The following ADAMTSL1 variants were observed in gnomAD, a reference collection of about 807,000 sequenced individuals.
ADAMTSL1 encodes the protein ADAMTS-like protein 1.
ADAMTSL1 carries 126 observed loss-of-function variants against 201.8 expected under a neutral mutation model. The observed-to-expected ratio is 0.62, with a 90% confidence interval of 0.54 to 0.72. The LOEUF (loss-of-function observed/expected upper bound fraction) is 0.72. ADAMTSL1 is among the 30% of genes least tolerant of loss of function. The pLI is 0.00. For synonymous variants in ADAMTSL1, 1,121 were observed against 903.4 expected, an observed-to-expected ratio of 1.24 and a Z score of -4.32; for missense variants, 2,679 against 2,277.8, an observed-to-expected ratio of 1.18 and a Z score of -3.59.
At chr9:18,211,587 C>G (rs895103927) in intron 2 of ADAMTSL1, among the ~76,000 whole-genome samples, 3 of 152,328 alleles carry the variant, frequency 2.0e-5, no homozygotes, top group East Asian at 1.9e-4. Context: ...CATGTCCCCA[C>G]TCAGCCAAAT....
At chr9:17,920,979 C>A (rs1657054897) in intron 1 of ADAMTSL1, among the ~76,000 whole-genome samples, 1 of 152,184 alleles carries the variant, frequency 6.6e-6, no homozygotes, top group Non-Finnish European at 1.5e-5. Context: ...ATTCACCATG[C>A]TAGGTTCTTT....
intron 2 of ADAMTSL1, among the ~76,000 whole-genome samples, chr9:18,270,975 G>C (rs1315436582): frequency 6.6e-6 from 1 of 152,162 alleles, no homozygotes; most frequent in Non-Finnish European, 1.5e-5. Flanking sequence ...AGGGGCCTGA[G>C]TCTCAGAATG....
chr9:18,579,035 A>G (rs936228926), intron 4 of ADAMTSL1, among the ~76,000 whole-genome samples: 2 of 151,980 alleles, frequency 1.3e-5, no homozygotes, highest in Non-Finnish European at 2.9e-5. Context: ...TTCTTTTGAG[A>G]AGTGTCTGTT....
intron 1 of ADAMTSL1, among the ~76,000 whole-genome samples, chr9:18,037,831 C>G (rs184887979): frequency 1.8e-4 from 28 of 152,256 alleles, no homozygotes; most frequent in African/African-American, 6.5e-4. Context: ...GAAATAGCAT[C>G]TGAAGATTTA....
chr9:18,368,737 G>A (rs1478409296), intron 2 of ADAMTSL1, among the ~76,000 whole-genome samples: 2 of 152,124 alleles, frequency 1.3e-5, no homozygotes, highest in African/African-American at 2.4e-5. Flanking sequence ...ATCCTGGATG[G>A]TGAATATGTT....
In ADAMTSL1 at chr9:18,824,473, C is replaced by G. The variant is rs374731758; in HGVS notation, c.3935-1811C>G. On this transcript the variant is annotated intron_variant, in intron 21 of 28. Transcript: ENST00000380548. ...CCACCCACTTTCGGTAGCCCTGCCTCTCTTTCTCTAGCCAATTTCAAGGAC... is the reference window on the plus strand; with the variant it reads ...CCACCCACTTTCGGTAGCCCTGCCTGTCTTTCTCTAGCCAATTTCAAGGAC... 4.8e-3 allele frequency among the ~76,000 whole-genome samples: 733 copies of G among 152,280 alleles called. 7 individuals carry two copies. Among genetic ancestry groups the G allele is most frequent in the African/African-American group, 0.015 (613 of 41,564 alleles).
chr9:18,866,389 A>G (rs1827543857), intron 23 of ADAMTSL1, among the ~76,000 whole-genome samples: 1 of 152,202 alleles, frequency 6.6e-6, no homozygotes. Context: ...TGAGAATACC[A>G]ATTCTGAACA....
intron 1 of ADAMTSL1, among the ~76,000 whole-genome samples, chr9:18,481,449 C>T (rs573937132): frequency 1.3e-5 from 2 of 151,736 alleles, no homozygotes; most frequent in Non-Finnish European, 2.9e-5. Flanking sequence ...GATTAAGTCA[C>T]AATCTCTACA....
chr9:18,476,883 A>G (rs1447844627), intron 1 of ADAMTSL1, among the ~76,000 whole-genome samples: 1 of 152,150 alleles, frequency 6.6e-6, no homozygotes, highest in Non-Finnish European at 1.5e-5. Flanking sequence ...GTGTACAAAT[A>G]TTGAAGGTTG....
At chr9:17,942,978 G>T (rs930250637) in intron 1 of ADAMTSL1, among the ~76,000 whole-genome samples, 1 of 152,128 alleles carries the variant, frequency 6.6e-6, no homozygotes, top group African/African-American at 2.4e-5. Context: ...CTGGAGTGCA[G>T]TGACAGGATC....
intron 3 of ADAMTSL1, among the ~76,000 whole-genome samples, chr9:18,554,954 C>CTT (rs1245387348): frequency 1.1e-4 from 16 of 151,732 alleles, no homozygotes; most frequent in African/African-American, 3.6e-4. Context: ...ATGTAAGGAA[C>CTT]ATATATCCAC....
intron 2 of ADAMTSL1, among the ~76,000 whole-genome samples, chr9:18,193,578 G>C (rs1829056343): frequency 6.6e-6 from 1 of 151,986 alleles, no homozygotes; most frequent in Non-Finnish European, 1.5e-5. Flanking sequence ...TCCAAATCCA[G>C]ATGTGAGGAC....
intron 1 of ADAMTSL1, among the ~76,000 whole-genome samples, chr9:18,479,999 C>A (rs907355133): frequency 3.3e-5 from 5 of 152,156 alleles, no homozygotes; most frequent in Non-Finnish European, 5.9e-5. Flanking sequence ...CAACAATTAA[C>A]CCCTTTTGCT....
intron 2 of ADAMTSL1, among the ~76,000 whole-genome samples, chr9:18,424,157 T>C (rs74349996): frequency 0.014 from 2,058 of 152,350 alleles, 44 homozygotes; most frequent in African/African-American, 0.047. Flanking sequence ...ATGGCCTTGC[T>C]TAATGGTGAA....
intron 2 of ADAMTSL1, among the ~76,000 whole-genome samples, chr9:18,185,055 G>C (rs1419342335): frequency 6.6e-6 from 1 of 152,070 alleles, no homozygotes; most frequent in Non-Finnish European, 1.5e-5. Context: ...CAGATTTTCA[G>C]ATTGGGGGTA....
At chr9:18,906,245 CT>C (rs1483317594) in intron 27 of ADAMTSL1, among the ~76,000 whole-genome samples, 4 of 152,208 alleles carry the variant, frequency 2.6e-5, no homozygotes, top group African/African-American at 7.2e-5. Flanking sequence ...GCCCCTCACT[CT>C]TGTTGATCTC....
At chr9:18,152,333 A>T (rs1228709359) in intron 1 of ADAMTSL1, among the ~76,000 whole-genome samples, 2 of 152,026 alleles carry the variant, frequency 1.3e-5, no homozygotes, top group Non-Finnish European at 2.9e-5. Flanking sequence ...GAGGGATGGC[A>T]TTCCAGGCAC....
chr9:18,499,874 C>G (rs1489912218), intron 1 of ADAMTSL1, among the ~76,000 whole-genome samples: 3 of 151,556 alleles, frequency 2.0e-5, no homozygotes, highest in Non-Finnish European at 4.4e-5. Context: ...AGCATTTCCT[C>G]AGCACCTACT....
chr9:18,528,748 G>A (rs1315422108), intron 2 of ADAMTSL1, among the ~76,000 whole-genome samples: 1 of 152,076 alleles, frequency 6.6e-6, no homozygotes, highest in Non-Finnish European at 1.5e-5. Flanking sequence ...CAGTTTCTGA[G>A]TTCATAATTG....
Sources: gnomAD v4.1 joint callset for allele counts (sites outside exome capture counted in the v4.1 genomes callset) on GRCh38, gnomAD v4.1.1 for gene constraint, MANE v1.5 for transcripts, NCBI Gene and HGNC (gene_info 2026-07-23, HGNC 2026-07-21) for gene names.